The following ZNF608 variants were observed in gnomAD, a reference collection of about 807,000 sequenced individuals.
ZNF608 encodes the protein renal carcinoma antigen NY-REN-36.
A neutral mutation model predicts 109.0 loss-of-function variants in ZNF608; 12 were observed. The observed-to-expected ratio is 0.11, with a 90% CI of 0.07 to 0.18. The LOEUF (loss-of-function observed/expected upper bound fraction) is 0.18. Ranked by LOEUF, ZNF608 falls within the 10% of genes least tolerant of loss-of-function variation. ZNF608 has a pLI of 1.00. For missense variants in ZNF608, 1,707 were observed against 1,879.3 expected (o/e 0.91, Z 1.70); for synonymous variants, 732 against 717.4 (o/e 1.02, Z -0.33).
intron 3 of ZNF608, among the ~76,000 whole-genome samples, chr5:124,660,657 A>C (rs1327921560): frequency 6.6e-6 from 1 of 152,108 alleles, no homozygotes; most frequent in African/African-American, 2.4e-5. Flanking sequence ...AGCTAACCTA[A>C]ACCTACCTGA....
chr5:124,670,496 G>GA (rs1751670844), intron 3 of ZNF608, among the ~76,000 whole-genome samples: 2 of 152,070 alleles, frequency 1.3e-5, no homozygotes, highest in African/African-American at 4.8e-5. Context: ...GTAGCTAAGA[G>GA]AAAAAACTAA....
At chr5:124,702,427 G>C (rs911293174) in intron 2 of ZNF608, among the ~76,000 whole-genome samples, 6 of 104,884 alleles carry the variant, frequency 5.7e-5, no homozygotes, top group African/African-American at 2.0e-4. Context: ...ATCTTATTCT[G>C]CTGTTCACTG....
At chr5:124,653,817 G>T (rs1486851294) in intron 3 of ZNF608, among the ~76,000 whole-genome samples, 2 of 152,200 alleles carry the variant, frequency 1.3e-5, no homozygotes, top group Non-Finnish European at 2.9e-5. Flanking sequence ...TTGCAAGATA[G>T]TAAGAGGCGT....
chr5:124,724,222 A>G (rs939929568), intron 2 of ZNF608, among the ~76,000 whole-genome samples: 1 of 152,120 alleles, frequency 6.6e-6, no homozygotes, highest in East Asian at 1.9e-4. Flanking sequence ...ATATAAATAT[A>G]TATTCTTGAA....
intron 3 of ZNF608, among the ~76,000 whole-genome samples, chr5:124,688,194 C>T (rs539163627): frequency 5.3e-5 from 8 of 152,086 alleles, no homozygotes; most frequent in Non-Finnish European, 8.8e-5. Flanking sequence ...TTTTAACTTC[C>T]TTCACTTGGG....
At chr5:124,662,441 C>A (rs946795664) in intron 3 of ZNF608, among the ~76,000 whole-genome samples, 23 of 152,262 alleles carry the variant, frequency 1.5e-4, no homozygotes, top group African/African-American at 5.3e-4. Context: ...GTGCTTCGCA[C>A]TGGGGACTAA....
intron 2 of ZNF608, among the ~76,000 whole-genome samples, chr5:124,721,878 G>GTT (rs1444100065): frequency 1.5e-5 from 2 of 132,584 alleles, no homozygotes; most frequent in African/African-American, 5.6e-5. Context: ...GGAAGCCGAG[G>GTT]TTACAGTGAG....
chr5:124,729,639 G>GTA (rs1385760288), intron 2 of ZNF608, among the ~76,000 whole-genome samples: 3 of 152,140 alleles, frequency 2.0e-5, no homozygotes, highest in Non-Finnish European at 4.4e-5. Context: ...ATATGTTTAA[G>GTA]TATATATATC....
intron 3 of ZNF608, among the ~76,000 whole-genome samples, chr5:124,679,909 T>C (rs1245841049): frequency 6.6e-6 from 1 of 152,174 alleles, no homozygotes; most frequent in Non-Finnish European, 1.5e-5. Flanking sequence ...GAAGTGCAGA[T>C]ATTAAAGGGC....
intron 3 of ZNF608, among the ~76,000 whole-genome samples, chr5:124,677,288 T>C (rs1030978202): frequency 3.3e-5 from 5 of 152,148 alleles, no homozygotes; most frequent in African/African-American, 4.8e-5. Context: ...TCCCCCCCTT[T>C]GAAAGGGAAA....
intron 3 of ZNF608, among the ~76,000 whole-genome samples, chr5:124,690,506 C>T (rs1309351704): frequency 1.3e-5 from 2 of 152,098 alleles, no homozygotes; most frequent in Non-Finnish European, 2.9e-5. Flanking sequence ...ACCTTCTTCT[C>T]GATTTTTCTG....
At chr5:124,691,319 T>G (rs868477831) in intron 3 of ZNF608, among the ~76,000 whole-genome samples, 3 of 152,126 alleles carry the variant, frequency 2.0e-5, no homozygotes, top group African/African-American at 7.2e-5. Context: ...GAATAGACTT[T>G]TCTCCAGAGG....
chr5:124,718,189 C>T (rs1753778633), intron 2 of ZNF608, among the ~76,000 whole-genome samples: 1 of 152,194 alleles, frequency 6.6e-6, no homozygotes, highest in Non-Finnish European at 1.5e-5. Flanking sequence ...AAACTGGGAC[C>T]TGCCATCCCA....
intron 2 of ZNF608, among the ~76,000 whole-genome samples, chr5:124,725,505 T>C (rs1372662226): frequency 6.6e-6 from 1 of 152,100 alleles, no homozygotes; most frequent in African/African-American, 2.4e-5. Context: ...GACCTGCTTT[T>C]ATACCTCCCC....
chr5:124,744,098 G>A lies in ZNF608; in HGVS notation c.892C>T (p.Leu298=). 6.3e-7 allele frequency: 1 copy of A among 1,590,924 alleles called. No homozygotes were observed. The highest frequency in any genetic ancestry group is 8.6e-7 in the Non-Finnish European group (1 of 1,168,180). Residue 298 remains leucine, a synonymous_variant, in exon 2 of 10, where the codon CTG becomes TTG. Coordinates refer to ENST00000513986, the MANE Select transcript of ZNF608 (RefSeq NM_020747.3). This position sits in a 1 kb window ranked among gnomAD's most constrained non-coding sequence, Gnocchi z 4.5. ...CTTTATCCTACCTTCTCAGTTTTCA[G>A]TTTCTTGATTCGCCTGTGGCTCTCC... The part of the protein sequence containing the change: ...EEESHRRIKK[L]KTEKVDPLFT...
At chr5:124,665,137 T>G (rs1248928573) in intron 3 of ZNF608, among the ~76,000 whole-genome samples, 3 of 150,686 alleles carry the variant, frequency 2.0e-5, no homozygotes, top group Non-Finnish European at 4.4e-5. Flanking sequence ...GATTGTGCCA[T>G]TGCACTCCAG....
intron 2 of ZNF608, among the ~76,000 whole-genome samples, chr5:124,736,641 C>G (rs897945857): frequency 4.0e-5 from 6 of 151,834 alleles, no homozygotes; most frequent in Non-Finnish European, 7.4e-5. Flanking sequence ...CTAGGAACAA[C>G]TTAGACACAA....
At chr5:124,689,349 G>C (rs1752518278) in intron 3 of ZNF608, among the ~76,000 whole-genome samples, 1 of 152,032 alleles carries the variant, frequency 6.6e-6, no homozygotes, top group African/African-American at 2.4e-5. Context: ...CTACTCAGGA[G>C]GCTGAGAAGG....
At chr5:124,746,641 A>T, upstream of ZNF608, 1 of 985,402 alleles carries the variant, frequency 1.0e-6, no homozygotes. Flanking sequence ...GCTAGTAACG[A>T]GACAGAATGT....
Sources: allele counts gnomAD v4.1 joint callset (sites outside exome capture counted in the v4.1 genomes callset), GRCh38; gene constraint gnomAD v4.1.1; non-coding constraint Gnocchi (gnomAD v3.1); transcripts MANE v1.5; gene names NCBI Gene and HGNC (gene_info 2026-07-23, HGNC 2026-07-21).